Variants in NCF2 observed in about 807,000 individuals in gnomAD.
NCF2 encodes neutrophil cytosol factor 2.
A neutral mutation model predicts 70.9 loss-of-function variants in NCF2; 45 were observed. That is an observed-to-expected ratio of 0.63 (90% CI 0.50 to 0.81). The LOEUF is 0.81. Ranked by LOEUF, NCF2 falls within the 40% of genes least tolerant of loss-of-function variation. The probability of loss-of-function intolerance (pLI) is 0.00; values close to 1 mark genes in which losing one functional copy is unlikely to be tolerated. For missense variants in NCF2, 522 were observed against 631.6 expected, an observed-to-expected ratio of 0.83 and a Z score of 1.86; for synonymous variants, 203 against 233.6, an observed-to-expected ratio of 0.87 and a Z score of 1.19.
intron 3 of NCF2, among the ~76,000 whole-genome samples, chr1:183,576,527 G>C (rs1376937673): frequency 3.3e-5 from 5 of 152,152 alleles, no homozygotes; most frequent in Non-Finnish European, 7.3e-5. Flanking sequence ...ACGATGCGCA[G>C]GACGCACCAC....
At chr1:183,573,822 G>A (rs1165900976) in intron 4 of NCF2, among the ~76,000 whole-genome samples, 2 of 152,246 alleles carry the variant, frequency 1.3e-5, no homozygotes, top group Non-Finnish European at 2.9e-5. Flanking sequence ...AGGTGCGGTG[G>A]CTCATGCCTG....
the NCF2 span, among the ~76,000 whole-genome samples, chr1:183,599,458 CTT>C: frequency 1.5e-5 from 2 of 130,924 alleles, no homozygotes; most frequent in Admixed American, 8.1e-5. Flanking sequence ...TTCTTTCTTT[CTT>C]TCTTTCTTTC....
At chr1:183,559,848 G>T (rs1467354221) in intron 14 of NCF2, among the ~76,000 whole-genome samples, 2 of 152,136 alleles carry the variant, frequency 1.3e-5, no homozygotes, top group African/African-American at 4.8e-5. Flanking sequence ...AACAGAGGGG[G>T]ACTCTGTCTC....
intron 11 of NCF2, 94 bp downstream of exon 11, chr1:183,563,911 G>T: frequency 7.1e-7 from 1 of 1,417,014 alleles, no homozygotes; most frequent in Non-Finnish European, 1.0e-6. Context: ...TCCCTTTGGG[G>T]CTCTTCCTAT....
chr1:183,556,154 T>TG lies in NCF2; in HGVS notation c.1544dup (p.Thr516AsnfsTer33). The TG allele has an allele frequency of 6.2e-7, 1 of 1,614,220 alleles. No homozygotes were observed. The highest frequency in any genetic ancestry group is 8.5e-7 in the Non-Finnish European group (1 of 1,180,022). On this transcript the variant is annotated frameshift_variant, in exon 15 of 15. Coordinates refer to ENST00000367535, the MANE Select transcript of NCF2 (RefSeq NM_000433.4). LOFTEE classifies it high-confidence loss of function. The stretch of plus-strand genomic sequence containing the variant: ...TCCGAGTGCTTTCCAAATCTGTAGT[T>TG]GCGCAGTCTTCAACAAAAACTTTGG...
At chr1:183,559,976 G>T in intron 14 of NCF2, 120 bp downstream of exon 14, 1 of 1,085,296 alleles carries the variant, frequency 9.2e-7, no homozygotes, top group Non-Finnish European at 1.4e-6. Context: ...TGCTAGGAAG[G>T]GGGTTGAAAA....
chr1:183,581,829 G>A (rs1040376661), intron 2 of NCF2, among the ~76,000 whole-genome samples: 3 of 152,060 alleles, frequency 2.0e-5, no homozygotes, highest in Admixed American at 6.6e-5. Flanking sequence ...CACCGCGCCC[G>A]GCTAATTTTT....
At chr1:183,556,726 G>A (rs569066521) in intron 14 of NCF2, among the ~76,000 whole-genome samples, 115 of 152,080 alleles carry the variant, frequency 7.6e-4, no homozygotes, top group African/African-American at 2.4e-3. Flanking sequence ...ACAGGATCTC[G>A]CCATGTTGCT....
chr1:183,572,521 C>T (rs1672615376), intron 5 of NCF2, among the ~76,000 whole-genome samples: 1 of 152,178 alleles, frequency 6.6e-6, no homozygotes. Context: ...AAGACATAGT[C>T]TAAACATAGG....
chr1:183,600,960 C>T, the NCF2 span, among the ~76,000 whole-genome samples: 8 of 152,208 alleles, frequency 5.3e-5, no homozygotes, highest in Non-Finnish European at 1.2e-4. Flanking sequence ...TCATTTGAGG[C>T]ACTACATGGA....
At chr1:183,588,216 C>T (rs1268282143) in intron 1 of NCF2, among the ~76,000 whole-genome samples, 2 of 152,094 alleles carry the variant, frequency 1.3e-5, no homozygotes, top group Admixed American at 6.5e-5. Flanking sequence ...AATTCCTATC[C>T]AACACAACAG....
intron 2 of NCF2, among the ~76,000 whole-genome samples, chr1:183,578,331 A>G (rs1307464882): frequency 6.7e-6 from 1 of 150,108 alleles, no homozygotes; most frequent in Non-Finnish European, 1.5e-5. Context: ...AAAAACAACC[A>G]CTTATGCTAT....
chr1:183,569,104 G>A (rs35971401), intron 7 of NCF2, 38 bp downstream of exon 7: 49 of 1,594,944 alleles, frequency 3.1e-5, no homozygotes, highest in South Asian at 8.8e-5. Context: ...CAGGCTTGGC[G>A]CTTGGATATT....
upstream of NCF2, chr1:183,590,574 G>C (rs917644031): frequency 1.0e-5 from 5 of 495,138 alleles, no homozygotes; most frequent in African/African-American, 1.0e-4. Context: ...GAAAGAAGCA[G>C]AGAGAGAGAG....
upstream of NCF2, chr1:183,590,491 G>A: frequency 1.3e-6 from 1 of 762,960 alleles, no homozygotes; most frequent in Non-Finnish European, 2.3e-6. Context: ...TAACTTCTCA[G>A]TGTTGCAAAT....
chr1:183,572,682 C>T (rs559933629), intron 5 of NCF2, among the ~76,000 whole-genome samples: 2 of 152,252 alleles, frequency 1.3e-5, no homozygotes, highest in East Asian at 3.9e-4. Flanking sequence ...ATCTGTTGCC[C>T]AAGCTAGAGT....
At chr1:183,583,664 C>G (rs1438308162) in intron 2 of NCF2, among the ~76,000 whole-genome samples, 1 of 152,150 alleles carries the variant, frequency 6.6e-6, no homozygotes, top group Non-Finnish European at 1.5e-5. Context: ...ATACAGGAAG[C>G]AAATATCTGT....
chr1:183,558,712 G>A (rs1460958784), intron 14 of NCF2, among the ~76,000 whole-genome samples: 6 of 151,896 alleles, frequency 4.0e-5, no homozygotes, highest in African/African-American at 1.5e-4. Flanking sequence ...CTACAGATGT[G>A]CATCACCACG....
intron 14 of NCF2, among the ~76,000 whole-genome samples, chr1:183,558,892 T>C (rs1671913006): frequency 6.6e-6 from 1 of 152,066 alleles, no homozygotes; most frequent in Non-Finnish European, 1.5e-5. Context: ...AATTTCCCCC[T>C]CTCTTTGTCT....
Sources: gnomAD v4.1 joint callset for allele counts (sites outside exome capture counted in the v4.1 genomes callset) on GRCh38, gnomAD v4.1.1 for gene constraint, MANE v1.5 for transcripts, NCBI Gene and HGNC (gene_info 2026-07-23, HGNC 2026-07-21) for gene names.